Variants in XRCC6 observed in about 807,000 individuals in gnomAD.
The protein encoded by XRCC6 is X-ray repair cross complementing 6.
A neutral mutation model predicts 65.7 loss-of-function variants in XRCC6; 5 were observed. That is an observed-to-expected ratio of 0.08 (90% confidence interval 0.04 to 0.16). The LOEUF is 0.16. XRCC6 is among the 10% of genes least tolerant of loss of function. XRCC6 has a pLI of 1.00. For synonymous variants in XRCC6, 270 were observed against 270.6 expected (o/e 1.00, Z 0.02); for missense variants, 447 against 738.1 (o/e 0.61, Z 4.57).
intron 3 of XRCC6, among the ~76,000 whole-genome samples, chr22:41,631,158 C>G (rs1411362460): frequency 6.6e-6 from 1 of 151,172 alleles, no homozygotes; most frequent in African/African-American, 2.4e-5. Context: ...CCCCACCTCC[C>G]TCCCGGACGG....
intron 11 of XRCC6, 33 bp from the exon 12 acceptor site, chr22:41,661,298 A>C: frequency 6.3e-7 from 1 of 1,593,594 alleles, no homozygotes; most frequent in Non-Finnish European, 8.6e-7. Context: ...CTCGTGACTC[A>C]CCAGGCCACT....
intron 12 of XRCC6, 168 bp downstream of exon 12, chr22:41,661,612 G>A: frequency 1.6e-6 from 1 of 618,512 alleles, no homozygotes; most frequent in Non-Finnish European, 2.8e-6. Flanking sequence ...TGGAGAAAAG[G>A]GAACCCTCAT....
chr22:41,642,501 G>C (rs1265038375), intron 6 of XRCC6, among the ~76,000 whole-genome samples: 1 of 152,120 alleles, frequency 6.6e-6, no homozygotes, highest in Non-Finnish European at 1.5e-5. Context: ...TATGCTTCTG[G>C]AGTATTACTT....
chr22:41,662,169 C>T (rs1335201050), intron 12 of XRCC6, among the ~76,000 whole-genome samples: 3 of 151,918 alleles, frequency 2.0e-5, no homozygotes, highest in Non-Finnish European at 4.4e-5. Flanking sequence ...AACAGAGTGA[C>T]TATAGTCTAA....
At chr22:41,627,098 A>T (rs1167087683) in intron 2 of XRCC6, among the ~76,000 whole-genome samples, 1 of 152,218 alleles carries the variant, frequency 6.6e-6, no homozygotes, top group Non-Finnish European at 1.5e-5. Flanking sequence ...TTAAAAAGGC[A>T]ATCAGCAAAA....
intron 7 of XRCC6, among the ~76,000 whole-genome samples, chr22:41,649,139 A>AAATATAT: frequency 7.9e-5 from 7 of 88,734 alleles, no homozygotes; most frequent in South Asian, 4.3e-4. Flanking sequence ...AAAAAAAAAA[A>AAATATAT]ATATATATAT....
At chr22:41,657,091 A>C (rs2068052003) in intron 10 of XRCC6, 59 bp downstream of exon 10, 13 of 1,518,872 alleles carry the variant, frequency 8.6e-6, no homozygotes, top group African/African-American at 1.4e-5. Flanking sequence ...TATTAGAAAC[A>C]GCTTGGGCAT....
intron 3 of XRCC6, among the ~76,000 whole-genome samples, chr22:41,634,391 A>T (rs1019726970): frequency 4.6e-5 from 7 of 151,862 alleles, no homozygotes; most frequent in Non-Finnish European, 7.4e-5. Context: ...TTGTTTTGCC[A>T]TGTTGCCCAG....
chr22:41,623,516 T>C (rs921676865), intron 2 of XRCC6, among the ~76,000 whole-genome samples: 37 of 144,390 alleles, frequency 2.6e-4, no homozygotes, highest in Non-Finnish European at 3.8e-4. Context: ...GCCTCCCGAG[T>C]AGCTGGGACC....
chr22:41,640,133 C>CT (rs966455071), intron 6 of XRCC6, among the ~76,000 whole-genome samples: 2 of 151,966 alleles, frequency 1.3e-5, no homozygotes, highest in African/African-American at 4.8e-5. Flanking sequence ...CTTCTGTGGT[C>CT]TTCCTGTCTC....
At chr22:41,636,888 T>A in intron 5 of XRCC6, 118 bp downstream of exon 5, 1 of 1,346,534 alleles carries the variant, frequency 7.4e-7, no homozygotes, top group Non-Finnish European at 9.9e-7. Context: ...GCTGGGACTA[T>A]AAGCATGTGC....
At chr22:41,648,599 A>G (rs543857114) in intron 7 of XRCC6, among the ~76,000 whole-genome samples, 3 of 152,210 alleles carry the variant, frequency 2.0e-5, no homozygotes, top group South Asian at 4.1e-4. Context: ...TGCTCAGTCT[A>G]TAGAGGGATT....
intron 2 of XRCC6, among the ~76,000 whole-genome samples, chr22:41,625,849 T>A (rs1181562568): frequency 6.6e-6 from 1 of 152,208 alleles, no homozygotes; most frequent in Non-Finnish European, 1.5e-5. Context: ...TTCAATAATT[T>A]TATTTTTTTA....
At chr22:41,647,177 C>T in intron 7 of XRCC6, 95 bp downstream of exon 7, 1 of 1,322,268 alleles carries the variant, frequency 7.6e-7, no homozygotes, top group Admixed American at 2.1e-5. Context: ...TGACTCGCTA[C>T]AGCCTTGACC....
At chr22:41,631,752 G>C (rs1015574006) in intron 3 of XRCC6, among the ~76,000 whole-genome samples, 1 of 151,938 alleles carries the variant, frequency 6.6e-6, no homozygotes, top group African/African-American at 2.4e-5. Context: ...CTGCACTCTG[G>C]GCACTTTGGG....
intron 7 of XRCC6, among the ~76,000 whole-genome samples, chr22:41,650,285 T>TA (rs2067982976): frequency 6.6e-6 from 1 of 151,898 alleles, no homozygotes. Flanking sequence ...TTAATTTTTT[T>TA]ATACAGATAG....
rs930357888 is a variant in XRCC6 at position 41,642,038 on chromosome 22, C to G, written c.773+4247C>G. Among the ~76,000 whole-genome samples the G allele has an allele frequency of 4.1e-4, 63 of 152,258 alleles. 1 individual carries two copies. The highest frequency in any genetic ancestry group is 3.4e-3 in the Middle Eastern group (1 of 294). ...TCTGGACCTCAGGTGATCCACCTGCCTCAGGATCTCATTTTTTATGGCTGA... is the reference window on the plus strand; with the variant it reads ...TCTGGACCTCAGGTGATCCACCTGCGTCAGGATCTCATTTTTTATGGCTGA... On this transcript the variant is annotated intron_variant, in intron 6 of 12. Coordinates refer to ENST00000360079, the MANE Select transcript of XRCC6 (RefSeq NM_001469.5).
intron 12 of XRCC6, among the ~76,000 whole-genome samples, chr22:41,662,621 C>T (rs1270622969): frequency 1.3e-5 from 2 of 152,158 alleles, no homozygotes; most frequent in Non-Finnish European, 2.9e-5. Context: ...GGATATGCTG[C>T]AGTGAACATG....
chr22:41,663,744 G>A lies in XRCC6; in HGVS notation c.1759G>A (p.Ala587Thr), dbSNP rs999945015. 7 of 1,613,976 alleles carry A rather than the reference G, an allele frequency of 4.3e-6. No individual in the cohort carries two copies. The highest frequency in any genetic ancestry group is 5.9e-6 in the Non-Finnish European group (7 of 1,179,868). Residue 587 changes from alanine (A) to threonine (T), a missense_variant, in exon 13 of 13, where the codon GCT becomes ACT. Around this residue, in one of 4 missense-constraint regions of XRCC6, gnomAD observed 201 missense variants for 374.1 expected, o/e 0.54. Transcript: ENST00000360079. ...GCCCATGCTGAAAGAGGCCTGCCGGGCTTACGGGCTGAAGAGTGGGCTGAA... is the reference window on the plus strand; with the variant it reads ...GCCCATGCTGAAAGAGGCCTGCCGGACTTACGGGCTGAAGAGTGGGCTGAA... ...TVPMLKEACR[A>T]YGLKSGLKKQ...
Sources: gnomAD v4.1 joint callset for allele counts (sites outside exome capture counted in the v4.1 genomes callset) on GRCh38, gnomAD v4.1.1 for gene constraint, gnomAD v4.1.1 regional missense constraint, MANE v1.5 for transcripts, NCBI Gene and HGNC (gene_info 2026-07-23, HGNC 2026-07-21) for gene names.